NAA38: variants seen among roughly 807,000 people sequenced by gnomAD.
NAA38 encodes the protein LSM domain containing 1.
NAA38 carries 15 observed loss-of-function variants against 12.6 expected under a neutral mutation model. The ratio of observed to expected loss-of-function variants is 1.19; its 90% confidence interval spans 0.79 to 1.83. The LOEUF is 1.83. NAA38 is among the 40% of genes most tolerant of loss of function. The probability of loss-of-function intolerance (pLI) is 0.00; values close to 1 mark genes in which losing one functional copy is unlikely to be tolerated. For missense variants in NAA38, 183 were observed against 171.7 expected (o/e 1.07, Z -0.37); for synonymous variants, 88 against 69.9 (o/e 1.26, Z -1.29).
At chr17:7,859,734 G>A, upstream of NAA38, 1 of 799,438 alleles carries the variant, frequency 1.3e-6, no homozygotes, top group South Asian at 1.6e-5. Flanking sequence ...CTCTCCAGGA[G>A]CTAGCCTGTG....
upstream of NAA38, chr17:7,858,250 TG>T: frequency 6.2e-7 from 1 of 1,614,000 alleles, no homozygotes; most frequent in Non-Finnish European, 8.5e-7. Flanking sequence ...GTATCTTACC[TG>T]GGACGCGTGT....
upstream of NAA38, chr17:7,858,007 G>GT: frequency 6.6e-7 from 1 of 1,522,452 alleles, no homozygotes; most frequent in Non-Finnish European, 8.8e-7. Flanking sequence ...AAGGACAATG[G>GT]TTTCCATGTC....
chr17:7,880,891 C>T (rs1967260181), intron 2 of NAA38, among the ~76,000 whole-genome samples: 1 of 152,114 alleles, frequency 6.6e-6, no homozygotes, highest in Non-Finnish European at 1.5e-5. Flanking sequence ...TGAACGCATG[C>T]AACCAGTAAC....
intron 2 of NAA38, among the ~76,000 whole-genome samples, chr17:7,876,122 T>C (rs767819975): frequency 6.6e-6 from 1 of 152,210 alleles, no homozygotes; most frequent in African/African-American, 2.4e-5. Flanking sequence ...TGTGTGGACA[T>C]ATGATTCAAT....
upstream of NAA38, chr17:7,861,617 C>T (rs1352951684): frequency 1.3e-5 from 2 of 152,202 alleles, no homozygotes; most frequent in Non-Finnish European, 2.9e-5. Context: ...GCTAGAAACA[C>T]ATCCCTTTCC....
rs112585561 is a variant in NAA38 at position 7,869,799 on chromosome 17, C to T, written c.-65-3241G>A. On this transcript the variant is annotated intron_variant, in intron 2 of 4. Transcript: ENST00000576861. ...AAAGAAAAAAAAATATTTTCCTTTA[C>T]AGACTGGAGTGCTAGATGGTGAAAG... Among the ~76,000 whole-genome samples the T allele has an allele frequency of 8.4e-3, 1,276 of 151,890 alleles. 23 individuals carry two copies. The highest frequency in any genetic ancestry group is 0.028 in the African/African-American group (1,174 of 41,410).
chr17:7,884,898 A>C, intron 1 of NAA38: 1 of 1,342,830 alleles, frequency 7.4e-7, no homozygotes, highest in Non-Finnish European at 9.8e-7. Context: ...GGCGACGAGG[A>C]GGAGGAGGAG....
intron 2 of NAA38, among the ~76,000 whole-genome samples, chr17:7,870,068 G>A (rs1393955090): frequency 2.6e-5 from 4 of 152,156 alleles, no homozygotes; most frequent in Non-Finnish European, 5.9e-5. Flanking sequence ...ATTTTGTATA[G>A]GATTATTCAG....
chr17:7,874,385 G>A (rs1441237806), intron 2 of NAA38, among the ~76,000 whole-genome samples: 1 of 152,152 alleles, frequency 6.6e-6, no homozygotes, highest in Non-Finnish European at 1.5e-5. Flanking sequence ...TCTGGGTGAT[G>A]AATAGATCAT....
Sources: gnomAD v4.1 joint callset for allele counts (sites outside exome capture counted in the v4.1 genomes callset) on GRCh38, gnomAD v4.1.1 for gene constraint, MANE v1.5 for transcripts, NCBI Gene and HGNC (gene_info 2026-07-23, HGNC 2026-07-21) for gene names.